The following EFCAB14 variants were observed in gnomAD, a reference collection of about 807,000 sequenced individuals.
The protein encoded by EFCAB14 is EF-hand calcium binding domain 14.
Under a neutral mutation model 56.5 loss-of-function variants are expected in EFCAB14, and 43 were observed. The ratio of observed to expected loss-of-function variants is 0.76; its 90% CI spans 0.60 to 0.98. The LOEUF is 0.98. Ranked by LOEUF, EFCAB14 falls within the 50% of genes least tolerant of loss-of-function variation. The probability of loss-of-function intolerance (pLI) is 0.00; values close to 1 mark genes in which losing one functional copy is unlikely to be tolerated. For missense variants in EFCAB14, 538 were observed against 580.3 expected, an observed-to-expected ratio of 0.93 and a Z score of 0.75; for synonymous variants, 235 against 212.9, an observed-to-expected ratio of 1.10 and a Z score of -0.90.
intron 4 of EFCAB14, 77 bp downstream of exon 4, chr1:46,696,474 A>C: frequency 7.3e-7 from 1 of 1,374,808 alleles, no homozygotes; most frequent in Non-Finnish European, 1.0e-6. Flanking sequence ...AACTTATAAG[A>C]AGCTAGAATT....
chr1:46,681,810 G>A (rs1186819046), intron 10 of EFCAB14, among the ~76,000 whole-genome samples: 3 of 152,082 alleles, frequency 2.0e-5, no homozygotes. Context: ...CCTATGCTGA[G>A]GACTGAAGCA....
At chr1:46,688,699 G>A (rs147577014) in intron 6 of EFCAB14, among the ~76,000 whole-genome samples, 155 bp from the exon 7 acceptor site, 54 of 152,200 alleles carry the variant, frequency 3.5e-4, no homozygotes, top group Admixed American at 5.9e-4. Flanking sequence ...TTTGTCCCTC[G>A]CACTCTAAAT....
At position 46,688,522 on chromosome 1, in the gene EFCAB14, G is replaced by A. The variant is rs1326980206; in HGVS notation, c.818C>T (p.Ser273Phe). The change falls in exon 7 of 11, where the codon TCT becomes TTT. Residue 273 changes from serine (S) to phenylalanine (F), a missense_variant. By Grantham distance (155) the Ser-to-Phe change is radical. Coordinates refer to ENST00000371933, the MANE Select transcript of EFCAB14 (RefSeq NM_014774.3). Reference protein sequence around the residue: ...LKQDILYLHNSLEEVNSALVG... With the variant: ...LKQDILYLHNFLEEVNSALVG... ...TAGGGCACTGTTTACCTCCTCTAAA[G>A]AGTTGTGAAGGTACAGGATATCCTA... is the stretch of plus-strand genomic sequence containing the variant. 1.2e-6 allele frequency: 2 copies of A among 1,613,342 alleles called. No individual in the cohort carries two copies. The highest frequency in any genetic ancestry group is 1.7e-6 in the Non-Finnish European group (2 of 1,179,658).
At chr1:46,695,982 C>T (rs1677072482) in intron 4 of EFCAB14, among the ~76,000 whole-genome samples, 1 of 152,088 alleles carries the variant, frequency 6.6e-6, no homozygotes, top group Non-Finnish European at 1.5e-5. Flanking sequence ...GCCCAGCCTC[C>T]AAAGTGATTT....
chr1:46,716,498 TTATTAGCAATAGTAC>T, intron 1 of EFCAB14, 55 bp from the exon 2 acceptor site: 2 of 1,588,506 alleles, frequency 1.3e-6, no homozygotes, highest in Admixed American at 3.4e-5. Context: ...GGGTATAGCT[TTATTAGCAATAGTAC>T]ACGTTTTGCC....
chr1:46,685,539 C>T (rs1367323460), intron 8 of EFCAB14, among the ~76,000 whole-genome samples: 1 of 152,032 alleles, frequency 6.6e-6, no homozygotes, highest in South Asian at 2.1e-4. Flanking sequence ...AAACTAGGTA[C>T]TAAATGTTTG....
intron 4 of EFCAB14, among the ~76,000 whole-genome samples, chr1:46,694,504 A>G (rs1329166059): frequency 6.6e-6 from 1 of 152,254 alleles, no homozygotes; most frequent in Non-Finnish European, 1.5e-5. Flanking sequence ...GCCATCACAG[A>G]AATGCAAATC....
At chr1:46,713,993 A>G (rs1377430799) in intron 2 of EFCAB14, among the ~76,000 whole-genome samples, 1 of 152,212 alleles carries the variant, frequency 6.6e-6, no homozygotes, top group Non-Finnish European at 1.5e-5. Context: ...TTGGTAATCC[A>G]GGTTAGGATT....
At chr1:46,699,595 G>A (rs72681910) in intron 3 of EFCAB14, among the ~76,000 whole-genome samples, 9,348 of 152,260 alleles carry the variant, frequency 0.061, 421 homozygotes, top group Non-Finnish European at 0.089. Context: ...CAGAGGCCGG[G>A]GGGTAGGAGA....
Position 46,677,143 on chromosome 1 carries a change from A to G in EFCAB14, c.*1318T>C, listed in dbSNP as rs915674132. The G allele has an allele frequency of 6.6e-6, 1 of 152,636 alleles. No individual in the cohort carries two copies. The highest frequency in any genetic ancestry group is 2.4e-5 in the African/African-American group (1 of 41,448). 9.5% of individuals were successfully genotyped at this position (152,636 alleles called of 1,614,324 possible). On this transcript the variant is annotated 3_prime_UTR_variant, in exon 11 of 11. Transcript: ENST00000371933. The stretch of plus-strand genomic sequence containing the variant: ...AGACATGGAGGTATTATTCCTTTCA[A>G]TCTAGGGATCTTTCATGCCAGGTCC...
chr1:46,711,712 C>T (rs751386886), intron 2 of EFCAB14, among the ~76,000 whole-genome samples: 18 of 152,104 alleles, frequency 1.2e-4, no homozygotes, highest in Admixed American at 4.6e-4. Flanking sequence ...CTTTTGATTT[C>T]CTAATCTTTA....
At chr1:46,678,681 G>T in intron 10 of EFCAB14, 45 bp from the exon 11 acceptor site, 1 of 1,531,348 alleles carries the variant, frequency 6.5e-7, no homozygotes, top group Non-Finnish European at 8.8e-7. Flanking sequence ...TAAACATACA[G>T]CTAAATTTAG....
intron 4 of EFCAB14, among the ~76,000 whole-genome samples, chr1:46,695,909 G>A (rs1372462524): frequency 1.3e-5 from 2 of 152,002 alleles, no homozygotes; most frequent in Non-Finnish European, 2.9e-5. Context: ...GTAATTCCTG[G>A]GTTCAAGTGA....
chr1:46,699,707 T>C (rs554222061), intron 3 of EFCAB14, among the ~76,000 whole-genome samples: 22 of 152,358 alleles, frequency 1.4e-4, no homozygotes, highest in Non-Finnish European at 2.9e-4. Context: ...GGATACGTGA[T>C]GGTTTCAAAA....
rs1446831748 is a variant in EFCAB14, at chr1:46,677,802, T to G, written c.*659A>C. 6.6e-6 allele frequency: 1 copy of G among 152,358 alleles called. No homozygotes were observed. Among genetic ancestry groups the G allele is most frequent in the East Asian group, 1.9e-4 (1 of 5,190 alleles). 9.4% of individuals were successfully genotyped at this position (152,358 alleles called of 1,614,324 possible). A position where few individuals can be genotyped will look rare whatever the true frequency, so the allele number is the denominator to read the frequency against. ...TGCCTGGAGTCAGTATTGTCTCCAG[T>G]GTCTACTCCCTGAAATCGGTTCCTC... On this transcript the variant is annotated 3_prime_UTR_variant, in exon 11 of 11. Transcript: ENST00000371933.
At chr1:46,702,488 A>G (rs1677172707) in intron 3 of EFCAB14, among the ~76,000 whole-genome samples, 1 of 152,030 alleles carries the variant, frequency 6.6e-6, no homozygotes, top group Admixed American at 6.5e-5. Flanking sequence ...TAGTATTGCT[A>G]CACAGCTGAG....
intron 5 of EFCAB14, 46 bp downstream of exon 5, chr1:46,691,781 C>CAAAAAAGGGTGAGCAGGAG: frequency 1.4e-6 from 2 of 1,476,648 alleles, no homozygotes; most frequent in Non-Finnish European, 1.9e-6. Flanking sequence ...GACTCTTACA[C>CAAAAAAGGGTGAGCAGGAG]AAAAAAGGGT....
intron 6 of EFCAB14, 37 bp downstream of exon 6, chr1:46,689,550 T>C: frequency 6.2e-7 from 1 of 1,602,020 alleles, no homozygotes. Flanking sequence ...TGCAGTGCAC[T>C]GTGGTCACAG....
At chr1:46,715,132 C>T (rs1677367534) in intron 2 of EFCAB14, among the ~76,000 whole-genome samples, 1 of 152,158 alleles carries the variant, frequency 6.6e-6, no homozygotes, top group African/African-American at 2.4e-5. Flanking sequence ...TCAGTCCTTG[C>T]TCTAAGCTTG....
Sources: allele counts gnomAD v4.1 joint callset (sites outside exome capture counted in the v4.1 genomes callset), GRCh38; gene constraint gnomAD v4.1.1; transcripts MANE v1.5; gene names NCBI Gene and HGNC (gene_info 2026-07-23, HGNC 2026-07-21).